Variants in MTUS2 observed in about 807,000 individuals in gnomAD.
The protein encoded by MTUS2 is microtubule-associated tumor suppressor candidate 2.
Under a neutral mutation model 114.1 loss-of-function variants are expected in MTUS2, and 40 were observed. The ratio of observed to expected loss-of-function variants is 0.35; its 90% CI spans 0.27 to 0.46. MTUS2 has a LOEUF of 0.46. Ranked by LOEUF, MTUS2 falls within the 20% of genes least tolerant of loss-of-function variation. The probability of loss-of-function intolerance (pLI) is 1.00; values close to 1 mark genes in which losing one functional copy is unlikely to be tolerated. For missense variants in MTUS2, 1,679 were observed against 1,705.4 expected, an observed-to-expected ratio of 0.98 and a Z score of 0.27; for synonymous variants, 688 against 672.0, an observed-to-expected ratio of 1.02 and a Z score of -0.37.
Position 28,852,385 on chromosome 13 carries a change from G to A in MTUS2, c.-243+12535G>A, listed in dbSNP as rs543454174. Reference sequence around the variant, plus strand: ...TTGGATGGGGTCTGGTATACAGGAGGCACTCATTAAATATCTGTTAGAAAA... The same window carrying A: ...TTGGATGGGGTCTGGTATACAGGAGACACTCATTAAATATCTGTTAGAAAA... On this transcript the variant is annotated intron_variant, in intron 2 of 15. Coordinates refer to ENST00000612955, the MANE Select transcript of MTUS2 (RefSeq NM_001033602.4). Among the ~76,000 whole-genome samples, 7 of 152,208 alleles carry A rather than the reference G, an allele frequency of 4.6e-5. No homozygotes were observed. In the East Asian group the frequency reaches 7.7e-4, roughly 17 times the overall value.
At chr13:29,289,613 C>T (rs115662234) in intron 6 of MTUS2, among the ~76,000 whole-genome samples, 25,042 of 152,008 alleles carry the variant, frequency 0.16, 2,148 homozygotes, top group African/African-American at 0.19. Flanking sequence ...CAGGCACCCA[C>T]CACTGCACCC....
At chr13:29,143,341 T>C (rs1238656466) in intron 5 of MTUS2, among the ~76,000 whole-genome samples, 2 of 152,226 alleles carry the variant, frequency 1.3e-5, no homozygotes, top group African/African-American at 4.8e-5. Context: ...AGATCTGTTT[T>C]CCTTTCATTT....
chr13:29,299,159 G>T (rs1195195237), intron 6 of MTUS2, among the ~76,000 whole-genome samples: 2 of 152,200 alleles, frequency 1.3e-5, no homozygotes, highest in African/African-American at 4.8e-5. Context: ...TGGAGATGAT[G>T]TATACAATTT....
At chr13:29,332,447 TTTC>T (rs1441812578) in intron 7 of MTUS2, among the ~76,000 whole-genome samples, 1 of 152,142 alleles carries the variant, frequency 6.6e-6, no homozygotes, top group Non-Finnish European at 1.5e-5. Context: ...GATTCTTTCT[TTTC>T]TTCTTTATTA....
chr13:29,171,498 A>T (rs1348083663), intron 5 of MTUS2, among the ~76,000 whole-genome samples: 6 of 152,176 alleles, frequency 3.9e-5, no homozygotes, highest in African/African-American at 1.4e-4. Flanking sequence ...GTTCTGATTT[A>T]TGAGAAAGAT....
chr13:29,458,026 A>G (rs904112228), intron 9 of MTUS2, among the ~76,000 whole-genome samples: 3 of 152,190 alleles, frequency 2.0e-5, no homozygotes, highest in Non-Finnish European at 2.9e-5. Context: ...TGCTGGGATT[A>G]TAGGCGTGAG....
intron 5 of MTUS2, among the ~76,000 whole-genome samples, chr13:29,276,090 G>A (rs1323413253): frequency 3.9e-5 from 6 of 152,174 alleles, no homozygotes; most frequent in African/African-American, 1.4e-4. Context: ...TGAGGTAGGA[G>A]TTCAACTACA....
chr13:29,504,126 G>T lies in MTUS2; in HGVS notation c.*920G>T, dbSNP rs182001624. On this transcript the variant is annotated 3_prime_UTR_variant, in exon 16 of 16. Transcript: ENST00000612955. ...AGCATGACCTTTGAGTAAGAGTGAGGATGACCTTGCAGATGACTGTGCCCA... is the reference window on the plus strand; with the variant it reads ...AGCATGACCTTTGAGTAAGAGTGAGTATGACCTTGCAGATGACTGTGCCCA... The T allele has an allele frequency of 4.4e-4, 102 of 232,186 alleles. No homozygotes were observed. Among genetic ancestry groups the T allele is most frequent in the African/African-American group, 1.7e-3 (79 of 45,378 alleles). The allele number at this position is 232,186 out of a possible 1,614,324, so 14.4% of individuals were successfully genotyped here.
chr13:28,913,042 A>G (rs1880539839), intron 2 of MTUS2, among the ~76,000 whole-genome samples: 1 of 152,132 alleles, frequency 6.6e-6, no homozygotes, highest in South Asian at 2.1e-4. Flanking sequence ...TAGATATAGG[A>G]TGATGTCATT....
At chr13:29,398,277 A>T (rs1023258072) in intron 8 of MTUS2, among the ~76,000 whole-genome samples, 1 of 152,132 alleles carries the variant, frequency 6.6e-6, no homozygotes, top group Admixed American at 6.5e-5. Context: ...CCTGGCCAAC[A>T]TGGCGAAATC....
chr13:29,092,680 TG>T (rs1303209823), intron 4 of MTUS2, among the ~76,000 whole-genome samples: 17 of 151,996 alleles, frequency 1.1e-4, no homozygotes, highest in African/African-American at 3.9e-4. Context: ...GACGAGTGGA[TG>T]GGGCACCTTC....
intron 4 of MTUS2, among the ~76,000 whole-genome samples, chr13:29,097,348 C>CTTT (rs1890220373): frequency 6.6e-6 from 1 of 152,160 alleles, no homozygotes; most frequent in African/African-American, 2.4e-5. Flanking sequence ...ATGTTTGTTT[C>CTTT]ACTGGGAAGA....
chr13:28,884,924 A>G (rs570842590), intron 2 of MTUS2, among the ~76,000 whole-genome samples: 35 of 152,142 alleles, frequency 2.3e-4, no homozygotes, highest in South Asian at 4.1e-4. Flanking sequence ...AAGTTTACCA[A>G]TTGTTGGGAG....
At chr13:29,205,888 T>C (rs1566065534) in intron 5 of MTUS2, among the ~76,000 whole-genome samples, 2 of 152,246 alleles carry the variant, frequency 1.3e-5, no homozygotes, top group Non-Finnish European at 2.9e-5. Context: ...AAGTATCTTT[T>C]TCATATAATG....
intron 5 of MTUS2, among the ~76,000 whole-genome samples, chr13:29,109,992 T>C (rs1890820087): frequency 6.6e-6 from 1 of 152,248 alleles, no homozygotes; most frequent in Admixed American, 6.5e-5. Flanking sequence ...GATCATTTGA[T>C]TTTCATGGCA....
At position 29,297,750 on chromosome 13, in the gene MTUS2, G is replaced by C. The variant is rs768583235; in HGVS notation, c.2806+15885G>C. On this transcript the variant is annotated intron_variant, in intron 6 of 15. Coordinates refer to ENST00000612955, the MANE Select transcript of MTUS2 (RefSeq NM_001033602.4). ...AGAGCTAATGCCCTGTCCTAAACATGTTTGAGGTATATGATCCACTCCTAT... is the reference window on the plus strand; with the variant it reads ...AGAGCTAATGCCCTGTCCTAAACATCTTTGAGGTATATGATCCACTCCTAT... 2.8e-4 allele frequency among the ~76,000 whole-genome samples: 43 copies of C among 152,166 alleles called. 1 individual carries two copies. Among genetic ancestry groups the C allele is most frequent in the Non-Finnish European group, 5.9e-5 (4 of 68,022 alleles).
intron 10 of MTUS2, 126 bp from the exon 11 acceptor site, chr13:29,487,774 C>T: frequency 1.3e-6 from 1 of 768,344 alleles, no homozygotes; most frequent in Non-Finnish European, 2.2e-6. Context: ...TCCAGCTCTC[C>T]TGCTTCGGCA....
chr13:29,032,017 T>G (rs1157757663), intron 3 of MTUS2, among the ~76,000 whole-genome samples: 1 of 152,084 alleles, frequency 6.6e-6, no homozygotes, highest in African/African-American at 2.4e-5. Flanking sequence ...AACCCTCCAT[T>G]GGGATGGAGG....
In MTUS2 at chr13:29,420,966, A is replaced by T. The variant is rs1476717096; in HGVS notation, c.3118-19017A>T. On this transcript the variant is annotated intron_variant, in intron 8 of 15. Transcript: ENST00000612955. ...TCAGTAGCAACCTTCCTATTTGGGT[A>T]TTACAGAGAAGTGAAATTTTTTTAG... 2.0e-5 allele frequency among the ~76,000 whole-genome samples: 3 copies of T among 152,216 alleles called. 1 individual carries two copies. The highest frequency in any genetic ancestry group is 7.2e-5 in the African/African-American group (3 of 41,448).
Sources: allele counts gnomAD v4.1 joint callset (sites outside exome capture counted in the v4.1 genomes callset), GRCh38; gene constraint gnomAD v4.1.1; transcripts MANE v1.5; gene names NCBI Gene and HGNC (gene_info 2026-07-23, HGNC 2026-07-21).